GABBR2: variants seen among roughly 807,000 people sequenced by gnomAD.
GABBR2 encodes gamma-aminobutyric acid type B receptor subunit 2.
Under a neutral mutation model 105.6 loss-of-function variants are expected in GABBR2, and 23 were observed. That is an observed-to-expected ratio of 0.22 (90% CI 0.16 to 0.31). The LOEUF (loss-of-function observed/expected upper bound fraction) is 0.31. Among genes scored for constraint, GABBR2 ranks in the 10% least tolerant of loss-of-function variants. The probability of loss-of-function intolerance (pLI) is 1.00; values close to 1 mark genes in which losing one functional copy is unlikely to be tolerated. For synonymous variants in GABBR2, 478 were observed against 499.7 expected (o/e 0.96, Z 0.58); for missense variants, 734 against 1,245.5 (o/e 0.59, Z 6.18).
intron 18 of GABBR2, among the ~76,000 whole-genome samples, chr9:98,291,949 A>G (rs1347437646): frequency 1.3e-5 from 2 of 152,222 alleles, no homozygotes; most frequent in African/African-American, 4.8e-5. Context: ...GTGGGTTAGC[A>G]CGTGATGGAG....
At chr9:98,449,684 T>C (rs1305891559) in intron 7 of GABBR2, among the ~76,000 whole-genome samples, 1 of 152,184 alleles carries the variant, frequency 6.6e-6, no homozygotes, top group Non-Finnish European at 1.5e-5. Flanking sequence ...AGCCCTGTCA[T>C]TTTCAGAAAA....
intron 13 of GABBR2, among the ~76,000 whole-genome samples, chr9:98,314,279 T>C (rs1430042352): frequency 6.6e-6 from 1 of 152,174 alleles, no homozygotes; most frequent in Non-Finnish European, 1.5e-5. Context: ...CATTGTTTAA[T>C]TAAGGTGACA....
chr9:98,453,000 C>A (rs951705468), intron 7 of GABBR2, among the ~76,000 whole-genome samples: 1 of 152,236 alleles, frequency 6.6e-6, no homozygotes, highest in East Asian at 1.9e-4. Flanking sequence ...ACTGTGCCTG[C>A]ACTGTGTGCG....
intron 1 of GABBR2, chr9:98,607,659 C>A: frequency 2.7e-6 from 2 of 738,724 alleles, no homozygotes; most frequent in Admixed American, 2.0e-5. Flanking sequence ...ATGGTGAACA[C>A]TGTGATTTTA....
intron 4 of GABBR2, among the ~76,000 whole-genome samples, chr9:98,483,445 C>T (rs1444825667): frequency 6.6e-6 from 1 of 152,154 alleles, no homozygotes; most frequent in Non-Finnish European, 1.5e-5. Flanking sequence ...GAAATCTGTC[C>T]ATGGCTTCCT....
Position 98,290,659 on chromosome 9 carries a change from G to A in GABBR2, c.2751C>T (p.Pro917=). The change falls in exon 19 of 19, where the codon CCC becomes CCT. Residue 917 remains proline (P), a synonymous_variant. Transcript: ENST00000259455. ...IGGVDASCVS[P]CVSPTASPRH... ...GGGGGCTGGCGGTGGGGCTGACGCA[G>A]GGGCTGACACAGCTGGCGTCCACGC... The A allele has an allele frequency of 6.8e-7, 1 of 1,469,464 alleles. No individual in the cohort carries two copies. The highest frequency in any genetic ancestry group is 8.9e-7 in the Non-Finnish European group (1 of 1,118,684). 91.0% of individuals were successfully genotyped at this position (1,469,464 alleles called of 1,614,324 possible). A position where few individuals can be genotyped will look rare whatever the true frequency, so the allele number is the denominator to read the frequency against.
intron 1 of GABBR2, among the ~76,000 whole-genome samples, chr9:98,600,281 C>CAAAGA (rs1460272792): frequency 1.3e-5 from 2 of 152,116 alleles, no homozygotes; most frequent in South Asian, 4.1e-4. Context: ...TCCTTCTCTG[C>CAAAGA]TGGGCAGAGC....
chr9:98,640,086 T>C (rs960175252), intron 1 of GABBR2, among the ~76,000 whole-genome samples: 1 of 150,438 alleles, frequency 6.6e-6, no homozygotes, highest in South Asian at 2.1e-4. Flanking sequence ...TTTATTTGAA[T>C]AGTTTTTAAA....
At chr9:98,521,763 A>T (rs1827871115) in intron 3 of GABBR2, among the ~76,000 whole-genome samples, 1 of 152,204 alleles carries the variant, frequency 6.6e-6, no homozygotes, top group African/African-American at 2.4e-5. Flanking sequence ...ATCTAACAGC[A>T]TCTAGATAAA....
chr9:98,515,021 T>C (rs928088681), intron 3 of GABBR2, among the ~76,000 whole-genome samples: 11 of 152,038 alleles, frequency 7.2e-5, no homozygotes, highest in Non-Finnish European at 1.5e-5. Context: ...CACCAGGAAG[T>C]AGATTTCAGC....
intron 3 of GABBR2, among the ~76,000 whole-genome samples, chr9:98,503,648 C>T (rs1827448451): frequency 6.6e-6 from 1 of 152,118 alleles, no homozygotes; most frequent in Non-Finnish European, 1.5e-5. Context: ...TACTGCTGTG[C>T]AACAAATTAT....
chr9:98,541,597 A>G (rs1828305500), intron 3 of GABBR2, among the ~76,000 whole-genome samples: 1 of 152,198 alleles, frequency 6.6e-6, no homozygotes, highest in Non-Finnish European at 1.5e-5. Flanking sequence ...AGACAAGCCC[A>G]CAGGGCCACT....
chr9:98,409,795 A>G (rs1413226002), intron 7 of GABBR2, among the ~76,000 whole-genome samples: 1 of 152,166 alleles, frequency 6.6e-6, no homozygotes, highest in African/African-American at 2.4e-5. Flanking sequence ...TTGCCACTGC[A>G]TCACATTTTG....
chr9:98,518,344 A>G (rs571052017), intron 3 of GABBR2, among the ~76,000 whole-genome samples: 10 of 119,228 alleles, frequency 8.4e-5, no homozygotes, highest in Admixed American at 7.5e-4. Flanking sequence ...GGTAGAAATT[A>G]TCAAAGTATA....
chr9:98,290,843 C>T (rs2131331975), intron 18 of GABBR2, 94 bp from the exon 19 acceptor site: 1 of 744,360 alleles, frequency 1.3e-6, no homozygotes, highest in Non-Finnish European at 2.0e-6. Flanking sequence ...AAGCTGATGA[C>T]AGGAGCATAT....
intron 6 of GABBR2, among the ~76,000 whole-genome samples, chr9:98,457,413 CT>C (rs1322286112): frequency 6.6e-6 from 1 of 152,200 alleles, no homozygotes; most frequent in Non-Finnish European, 1.5e-5. Context: ...TAATTTTAAA[CT>C]TCCTTGATAT....
chr9:98,420,334 A>C (rs117102957), intron 7 of GABBR2, among the ~76,000 whole-genome samples: 4,654 of 152,230 alleles, frequency 0.031, 131 homozygotes, highest in East Asian at 0.15. Context: ...TGCCAGCCTC[A>C]GCCGGCCTCG....
intron 5 of GABBR2, among the ~76,000 whole-genome samples, chr9:98,479,219 A>G (rs16916379): frequency 0.042 from 6,343 of 152,260 alleles, 211 homozygotes; most frequent in East Asian, 0.14. Context: ...TTGCCAGTAA[A>G]TGGTGGCCCA....
At chr9:98,662,732 C>T (rs1830280628) in intron 1 of GABBR2, among the ~76,000 whole-genome samples, 1 of 152,198 alleles carries the variant, frequency 6.6e-6, no homozygotes, top group African/African-American at 2.4e-5. Context: ...TACTGACCCA[C>T]TCCTCCCTAA....
Sources: gnomAD v4.1 joint callset for allele counts (sites outside exome capture counted in the v4.1 genomes callset) on GRCh38, gnomAD v4.1.1 for gene constraint, MANE v1.5 for transcripts, NCBI Gene and HGNC (gene_info 2026-07-23, HGNC 2026-07-21) for gene names.